Variants in ERBB4 observed in about 807,000 individuals in gnomAD.
ERBB4 encodes receptor tyrosine-protein kinase erbB-4.
Under a neutral mutation model 158.0 loss-of-function variants are expected in ERBB4, and 42 were observed. The ratio of observed to expected loss-of-function variants is 0.27; its 90% confidence interval spans 0.21 to 0.34. The LOEUF (loss-of-function observed/expected upper bound fraction) is 0.34, where lower values mean the gene tolerates loss of function less well. Ranked by LOEUF, ERBB4 falls within the 10% of genes least tolerant of loss-of-function variation. The pLI, the probability that ERBB4 is intolerant of heterozygous loss-of-function variation, is 1.00. For synonymous variants in ERBB4, 583 were observed against 558.7 expected, an observed-to-expected ratio of 1.04 and a Z score of -0.61; for missense variants, 1,333 against 1,624.1, an observed-to-expected ratio of 0.82 and a Z score of 3.08.
chr2:212,111,214 AGTT>A (rs1323852549), intron 2 of ERBB4, among the ~76,000 whole-genome samples: 4 of 152,156 alleles, frequency 2.6e-5, no homozygotes, highest in Non-Finnish European at 5.9e-5. Flanking sequence ...ATATGCAGTT[AGTT>A]GTTAAGTCTT....
At chr2:212,008,497 T>A (rs867474011) in intron 2 of ERBB4, among the ~76,000 whole-genome samples, 1 of 152,088 alleles carries the variant, frequency 6.6e-6, no homozygotes, top group South Asian at 2.1e-4. Context: ...GCACATTTGT[T>A]GAATAAATGA....
At chr2:212,019,265 T>C (rs1020458992) in intron 2 of ERBB4, among the ~76,000 whole-genome samples, 1 of 152,190 alleles carries the variant, frequency 6.6e-6, no homozygotes, top group Non-Finnish European at 1.5e-5. Context: ...CCTTATTATA[T>C]AGCCATCTTT....
At chr2:211,428,604 A>C (rs902554008) in intron 21 of ERBB4, 121 bp from the exon 22 acceptor site, 2 of 551,274 alleles carry the variant, frequency 3.6e-6, no homozygotes, top group African/African-American at 3.8e-5. Context: ...GTGTGTATAG[A>C]TATAACTATA....
intron 2 of ERBB4, among the ~76,000 whole-genome samples, chr2:212,072,194 T>C (rs1013433403): frequency 6.6e-6 from 1 of 151,972 alleles, no homozygotes; most frequent in Non-Finnish European, 1.5e-5. Flanking sequence ...AGTCTAACTC[T>C]ACTAAACTTG....
intron 2 of ERBB4, among the ~76,000 whole-genome samples, chr2:212,076,499 C>CCTGACAA (rs2078278661): frequency 6.6e-6 from 1 of 151,756 alleles, no homozygotes; most frequent in African/African-American, 2.4e-5. Context: ...AGGTTTTCTT[C>CCTGACAA]CTGACAACTT....
At chr2:212,513,777 A>G (rs1348531273) in intron 1 of ERBB4, among the ~76,000 whole-genome samples, 1 of 151,334 alleles carries the variant, frequency 6.6e-6, no homozygotes, top group African/African-American at 2.5e-5. Flanking sequence ...CCGCCACTGC[A>G]CTCCAGCCTG....
At chr2:212,455,919 GC>G (rs1398562469) in intron 1 of ERBB4, among the ~76,000 whole-genome samples, 1 of 152,084 alleles carries the variant, frequency 6.6e-6, no homozygotes, top group African/African-American at 2.4e-5. Context: ...TGGGCATCCT[GC>G]AGAAAAATAA....
chr2:212,172,643 G>C (rs2081552317), intron 1 of ERBB4, among the ~76,000 whole-genome samples: 1 of 152,100 alleles, frequency 6.6e-6, no homozygotes, highest in African/African-American at 2.4e-5. Flanking sequence ...AATATGGATG[G>C]AGCTGGAGGC....
chr2:211,686,438 G>A (rs1368290412), intron 12 of ERBB4, among the ~76,000 whole-genome samples: 1 of 151,866 alleles, frequency 6.6e-6, no homozygotes, highest in African/African-American at 2.4e-5. Flanking sequence ...GTATATCCCT[G>A]GAATAAACTC....
At chr2:212,529,603 A>G (rs776903374) in intron 1 of ERBB4, among the ~76,000 whole-genome samples, 1 of 152,192 alleles carries the variant, frequency 6.6e-6, no homozygotes, top group Non-Finnish European at 1.5e-5. Flanking sequence ...GAACGAGCTT[A>G]AAATTGTTCC....
At chr2:212,524,998 AAGGGGTTCC>A in intron 1 of ERBB4, among the ~76,000 whole-genome samples, 2 of 152,086 alleles carry the variant, frequency 1.3e-5, no homozygotes, top group South Asian at 4.1e-4. Context: ...AAGTCAGAGA[AAGGGGTTCC>A]AGGGAAGGTA....
intron 20 of ERBB4, among the ~76,000 whole-genome samples, chr2:211,470,181 G>A (rs1192340252): frequency 1.3e-5 from 2 of 152,036 alleles, no homozygotes; most frequent in East Asian, 1.9e-4. Context: ...AAAGAAGTAC[G>A]TCCCACACTA....
intron 2 of ERBB4, among the ~76,000 whole-genome samples, chr2:212,068,896 C>T (rs6738489): frequency 0.84 from 127,541 of 152,004 alleles, 55,236 homozygotes; most frequent in East Asian, 1. Context: ...TATCTATACA[C>T]TTTTTATCTA....
chr2:212,099,009 T>C (rs1393359348), intron 2 of ERBB4, among the ~76,000 whole-genome samples: 2 of 151,916 alleles, frequency 1.3e-5, no homozygotes, highest in Admixed American at 1.3e-4. Flanking sequence ...GGCTGGGCAC[T>C]GTGGCTCATG....
intron 3 of ERBB4, among the ~76,000 whole-genome samples, chr2:211,810,297 G>A (rs1253223538): frequency 1.3e-5 from 2 of 152,158 alleles, no homozygotes; most frequent in East Asian, 3.9e-4. Flanking sequence ...GGGTGTTAAA[G>A]TCTCCCATTA....
intron 2 of ERBB4, among the ~76,000 whole-genome samples, chr2:211,998,577 C>T (rs1385330605): frequency 1.3e-5 from 2 of 149,776 alleles, no homozygotes; most frequent in Non-Finnish European, 3.0e-5. Context: ...CTGAAATCAG[C>T]GTATACTTTG....
intron 1 of ERBB4, among the ~76,000 whole-genome samples, chr2:212,482,175 C>T (rs1689736975): frequency 6.6e-6 from 1 of 152,192 alleles, no homozygotes; most frequent in Non-Finnish European, 1.5e-5. Context: ...ATGTGCTTCA[C>T]TTGCAAATGA....
intron 16 of ERBB4, among the ~76,000 whole-genome samples, chr2:211,636,179 G>A (rs538408664): frequency 2.6e-5 from 4 of 151,756 alleles, no homozygotes; most frequent in African/African-American, 9.7e-5. Context: ...AATTTAACAG[G>A]GATTTTTTTT....
intron 2 of ERBB4, among the ~76,000 whole-genome samples, chr2:212,059,293 G>A (rs1175304506): frequency 6.6e-6 from 1 of 152,090 alleles, no homozygotes; most frequent in Admixed American, 6.5e-5. Flanking sequence ...AATAAAAGAG[G>A]ATACAAACAA....
Sources: allele counts gnomAD v4.1 joint callset (sites outside exome capture counted in the v4.1 genomes callset), GRCh38; gene constraint gnomAD v4.1.1; transcripts MANE v1.5; gene names NCBI Gene and HGNC (gene_info 2026-07-23, HGNC 2026-07-21).